The following NMNAT2 variants were observed in gnomAD, a reference collection of about 807,000 sequenced individuals.
The protein encoded by NMNAT2 is nicotinamide/nicotinic acid mononucleotide adenylyltransferase 2.
In NMNAT2, 11 loss-of-function variants were observed where a neutral mutation model predicts 41.6. The ratio of observed to expected loss-of-function variants is 0.26; its 90% CI spans 0.17 to 0.44. The LOEUF is 0.44. NMNAT2 is among the 20% of genes least tolerant of loss of function. NMNAT2 has a pLI of 1.00. For missense variants in NMNAT2, 288 were observed against 407.7 expected (o/e 0.71, Z 2.53); for synonymous variants, 148 against 151.2 (o/e 0.98, Z 0.16).
At chr1:183,278,509 C>T (rs201518669) in intron 8 of NMNAT2, 44 bp downstream of exon 8, 3 of 1,393,964 alleles carry the variant, frequency 2.2e-6, no homozygotes, top group Non-Finnish European at 3.1e-6. Context: ...CTTCCCATCC[C>T]TCCCAGTCCC....
intron 1 of NMNAT2, among the ~76,000 whole-genome samples, chr1:183,295,730 C>T (rs1487689058): frequency 6.6e-6 from 1 of 152,140 alleles, no homozygotes. Flanking sequence ...ATAGATTTGA[C>T]GTTTCCAAAA....
chr1:183,342,480 T>G (rs1359361465), intron 1 of NMNAT2, among the ~76,000 whole-genome samples: 1 of 152,164 alleles, frequency 6.6e-6, no homozygotes, highest in African/African-American at 2.4e-5. Flanking sequence ...GGGGTAGAGA[T>G]TAAGACTTTT....
intron 1 of NMNAT2, among the ~76,000 whole-genome samples, chr1:183,370,396 G>T (rs545476324): frequency 6.6e-6 from 1 of 152,262 alleles, no homozygotes; most frequent in East Asian, 1.9e-4. Flanking sequence ...TTCATGTGGG[G>T]ATGGTGTTAT....
chr1:183,404,161 C>T (rs1648892199), intron 1 of NMNAT2, among the ~76,000 whole-genome samples: 1 of 149,048 alleles, frequency 6.7e-6, no homozygotes, highest in Non-Finnish European at 1.5e-5. Context: ...TGTGGTGGCA[C>T]AATCTCAGCT....
chr1:183,344,069 C>G (rs1356133103), intron 1 of NMNAT2, among the ~76,000 whole-genome samples: 1 of 152,194 alleles, frequency 6.6e-6, no homozygotes, highest in Non-Finnish European at 1.5e-5. Flanking sequence ...GCAATTTCTA[C>G]TCATCCCTCA....
intron 1 of NMNAT2, among the ~76,000 whole-genome samples, chr1:183,378,588 T>C (rs1415935120): frequency 6.6e-6 from 1 of 151,184 alleles, no homozygotes; most frequent in African/African-American, 2.4e-5. Context: ...TAAATAAAAA[T>C]GGAATCATGA....
chr1:183,292,856 C>A lies in NMNAT2; in HGVS notation c.176G>T (p.Gly59Val). The A allele has an allele frequency of 6.2e-7, 1 of 1,613,936 alleles. No individual in the cohort carries two copies. Among genetic ancestry groups the A allele is most frequent in the Non-Finnish European group, 8.5e-7 (1 of 1,179,950 alleles). Reference sequence around the variant, plus strand: ...GAGACGGTGCCGGCTTGACACGAGGCCCTGGGAAGCAACAGAGCAATCATT... The same window carrying A: ...GAGACGGTGCCGGCTTGACACGAGGACCTGGGAAGCAACAGAGCAATCATT... The part of the protein sequence containing the change: ...SPVHDSYGKQ[G>V]LVSSRHRLIM... The change falls in exon 3 of 11, where the codon GGC (glycine) becomes GTC (valine). Residue 59 changes from glycine (G) to valine (V), a missense_variant and splice_region_variant. Gly to Val is a moderately radical substitution (Grantham distance 109, BLOSUM62 -3). Around this residue, in one of 3 missense-constraint regions of NMNAT2, gnomAD observed 100 missense variants for 168.5 expected, o/e 0.59. Coordinates refer to ENST00000287713, the MANE Select transcript of NMNAT2 (RefSeq NM_015039.4).
intron 8 of NMNAT2, among the ~76,000 whole-genome samples, chr1:183,271,105 C>T (rs1252462226): frequency 1.3e-5 from 2 of 152,206 alleles, no homozygotes; most frequent in Non-Finnish European, 2.9e-5. Flanking sequence ...ACAATTCCCT[C>T]AGTGGCCATC....
At chr1:183,365,011 C>T (rs537594054) in intron 1 of NMNAT2, among the ~76,000 whole-genome samples, 6 of 152,268 alleles carry the variant, frequency 3.9e-5, no homozygotes, top group African/African-American at 1.4e-4. Flanking sequence ...GAACAGGAAC[C>T]TCAACCTTCT....
chr1:183,391,327 A>C (rs1648475175), intron 1 of NMNAT2, among the ~76,000 whole-genome samples: 1 of 151,804 alleles, frequency 6.6e-6, no homozygotes, highest in Non-Finnish European at 1.5e-5. Flanking sequence ...TGTATTCTCT[A>C]CTCTTCTACA....
intron 1 of NMNAT2, among the ~76,000 whole-genome samples, chr1:183,302,087 C>T (rs190420010): frequency 1.1e-4 from 16 of 152,270 alleles, no homozygotes; most frequent in Admixed American, 8.5e-4. Context: ...AGAATTCCTG[C>T]TTAGGAGTTA....
chr1:183,389,845 G>GA (rs1378080044), intron 1 of NMNAT2, among the ~76,000 whole-genome samples: 1 of 43,946 alleles, frequency 2.3e-5, no homozygotes, highest in South Asian at 1.1e-3. Flanking sequence ...AGAAAGAAAG[G>GA]AAAAAAGAGA....
intron 1 of NMNAT2, among the ~76,000 whole-genome samples, chr1:183,311,955 G>A (rs1662133045): frequency 6.6e-6 from 1 of 152,074 alleles, no homozygotes; most frequent in South Asian, 2.1e-4. Context: ...GTATTATAAG[G>A]GGGAGTTTCC....
intron 8 of NMNAT2, among the ~76,000 whole-genome samples, chr1:183,270,067 G>T (rs1660944506): frequency 6.6e-6 from 1 of 152,042 alleles, no homozygotes; most frequent in South Asian, 2.1e-4. Context: ...TGTATTTTTA[G>T]TAGAGACGGG....
At chr1:183,365,840 G>A (rs1390768689) in intron 1 of NMNAT2, among the ~76,000 whole-genome samples, 1 of 152,154 alleles carries the variant, frequency 6.6e-6, no homozygotes, top group Non-Finnish European at 1.5e-5. Context: ...GGGGACACTT[G>A]TCACGATGTT....
intron 1 of NMNAT2, among the ~76,000 whole-genome samples, chr1:183,386,471 A>G (rs1648250791): frequency 6.6e-6 from 1 of 152,202 alleles, no homozygotes; most frequent in South Asian, 2.1e-4. Context: ...TGTTTATAGA[A>G]AACATCTTAT....
At chr1:183,311,575 C>A (rs7415710) in intron 1 of NMNAT2, among the ~76,000 whole-genome samples, 1 of 152,142 alleles carries the variant, frequency 6.6e-6, no homozygotes, top group Non-Finnish European at 1.5e-5. Flanking sequence ...TACCACTTCT[C>A]AGGGGTCTGC....
chr1:183,299,020 GT>G (rs1339566330), intron 1 of NMNAT2, among the ~76,000 whole-genome samples: 1 of 152,146 alleles, frequency 6.6e-6, no homozygotes, highest in African/African-American at 2.4e-5. Flanking sequence ...CCTACGATAG[GT>G]AAATGGTTAA....
intron 1 of NMNAT2, among the ~76,000 whole-genome samples, chr1:183,341,040 G>A (rs1662788244): frequency 6.6e-6 from 1 of 152,244 alleles, no homozygotes; most frequent in African/African-American, 2.4e-5. Context: ...AGTTCTGACA[G>A]CCTGGGCGAC....
Sources: allele counts gnomAD v4.1 joint callset (sites outside exome capture counted in the v4.1 genomes callset), GRCh38; gene constraint gnomAD v4.1.1; regional missense constraint gnomAD v4.1.1; transcripts MANE v1.5; gene names NCBI Gene and HGNC (gene_info 2026-07-23, HGNC 2026-07-21).